The following SPATA7 variants were observed in gnomAD, a reference collection of about 807,000 sequenced individuals.
The protein encoded by SPATA7 is spermatogenesis-associated protein 7.
SPATA7 carries 43 observed loss-of-function variants against 51.8 expected under a neutral mutation model. That is an observed-to-expected ratio of 0.83 (90% CI 0.65 to 1.07). SPATA7 has a LOEUF of 1.07. Among genes scored for constraint, SPATA7 ranks in the 50% least tolerant of loss-of-function variants. SPATA7 has a pLI of 0.00. For missense variants in SPATA7, 683 were observed against 701.3 expected, an observed-to-expected ratio of 0.97 and a Z score of 0.30; for synonymous variants, 230 against 252.8, an observed-to-expected ratio of 0.91 and a Z score of 0.86.
At position 88,386,315 on chromosome 14, in the gene SPATA7, G is replaced by A. The variant is rs573761148; in HGVS notation, c.19+478G>A. Among the ~76,000 whole-genome samples, 63 of 152,248 alleles carry A rather than the reference G, an allele frequency of 4.1e-4. 1 individual carries two copies. The South Asian group carries it at 0.013, about 32-fold the overall frequency. On this transcript the variant is annotated intron_variant, in intron 1 of 11. Transcript: ENST00000393545. ...AGAAGATCCTGGCGCATTTGAAGTG[G>A]TCAGTAAATACGAAATCTCCCAGTA...
rs73327465 is a variant in SPATA7, at chr14:88,431,456, T to C, written c.1082+231T>C. Among the ~76,000 whole-genome samples, 1,339 of 152,330 alleles carry C rather than the reference T, an allele frequency of 8.8e-3. 9 individuals carry two copies. Among genetic ancestry groups the C allele is most frequent in the African/African-American group, 0.031 (1,276 of 41,564 alleles). On this transcript the variant is annotated intron_variant, in intron 9 of 11. Coordinates refer to ENST00000393545, the MANE Select transcript of SPATA7 (RefSeq NM_018418.5). ...TCTCGAACATTTTATCATTTCTTTGTGTTGGAAACATTGAGTATCCTTCTT... is the reference window on the plus strand; with the variant it reads ...TCTCGAACATTTTATCATTTCTTTGCGTTGGAAACATTGAGTATCCTTCTT...
Position 88,426,268 on chromosome 14 carries a change from AAAG to A in SPATA7, c.415_417del (p.Glu139del). ...ACCGCAAATTGAGGATGACATGTTA[AAAG>A]AAGAAATGAATGGATTTTCATCCTT... On this transcript the variant is annotated inframe_deletion, in exon 6 of 12. Transcript: ENST00000393545. 3 of 1,614,096 alleles carry A rather than the reference AAAG, an allele frequency of 1.9e-6. No individual in the cohort carries two copies. The highest frequency in any genetic ancestry group is 2.5e-6 in the Non-Finnish European group (3 of 1,180,004).
Position 88,422,578 on chromosome 14 carries a change from A to T in SPATA7, c.373-3654A>T, listed in dbSNP as rs1226592964. 3.4e-5 allele frequency among the ~76,000 whole-genome samples: 5 copies of T among 146,776 alleles called. No homozygotes were observed. The East Asian group carries it at 9.7e-4, about 29-fold the overall frequency. ...TATATCTTTTTAATGTATTTTATAT[A>T]TCTATTTATATATAATAAAGTAAAA... On this transcript the variant is annotated intron_variant, in intron 5 of 11. Transcript: ENST00000393545.
At chr14:88,465,958 C>A (rs1316020498) in intron 4 of SPATA7, 1 of 150,658 alleles carries the variant, frequency 6.6e-6, no homozygotes, top group Non-Finnish European at 1.5e-5. Flanking sequence ...CACAAATAGA[C>A]CACATATTAC....
intron 1 of SPATA7, 43 bp from the exon 2 acceptor site, chr14:88,391,338 G>A (rs370164523): frequency 6.3e-5 from 92 of 1,455,512 alleles, no homozygotes; most frequent in Non-Finnish European, 8.2e-5. Context: ...TAAAAGTTGT[G>A]TTTCATTTAT....
intron 4 of SPATA7, among the ~76,000 whole-genome samples, chr14:88,406,906 G>C (rs1325022157): frequency 1.3e-5 from 2 of 152,112 alleles, no homozygotes; most frequent in Non-Finnish European, 2.9e-5. Context: ...ATAGTTTCCA[G>C]CTTCATCCAT....
Position 88,391,965 on chromosome 14 carries a change from T to C in SPATA7, c.94+510T>C, listed in dbSNP as rs533276267. ...GTTTTAAAATAAATTTTTGTAATTA[T>C]ACCTTAGAAGTATAAGTCTATGTCC... On this transcript the variant is annotated intron_variant, in intron 2 of 11. Coordinates refer to ENST00000393545, the MANE Select transcript of SPATA7 (RefSeq NM_018418.5). 4.6e-5 allele frequency among the ~76,000 whole-genome samples: 7 copies of C among 152,352 alleles called. No individual in the cohort carries two copies. In the East Asian group the frequency reaches 1.3e-3, roughly 29 times the overall value.
At chr14:88,422,787 A>G (rs1156946403) in intron 5 of SPATA7, among the ~76,000 whole-genome samples, 3 of 151,806 alleles carry the variant, frequency 2.0e-5, no homozygotes, top group Non-Finnish European at 4.4e-5. Flanking sequence ...CTTTGCCTAC[A>G]TTTTTGATAA....
At chr14:88,406,653 A>C (rs537824519) in intron 4 of SPATA7, 2 of 152,846 alleles carry the variant, frequency 1.3e-5, no homozygotes, top group African/African-American at 4.8e-5. Context: ...TCTGGGATAC[A>C]TGTGCAGAAC....
At chr14:88,406,775 C>T (rs982189684) in intron 4 of SPATA7, 1 of 152,206 alleles carries the variant, frequency 6.6e-6, no homozygotes, top group African/African-American at 2.4e-5. Flanking sequence ...AGTCCCCCAA[C>T]AGGCCCCAGT....
Position 88,426,355 on chromosome 14 carries a change from A to G in SPATA7, c.496A>G (p.Lys166Glu). 1 of 1,614,176 alleles carries G rather than the reference A, an allele frequency of 6.2e-7. No individual in the cohort carries two copies. The highest frequency in any genetic ancestry group is 1.1e-5 in the South Asian group (1 of 91,076). Residue 166 changes from lysine to glutamate, a missense_variant, in exon 6 of 12, where the codon AAA becomes GAA. Physicochemically the swap from Lys to Glu is moderately conservative, Grantham distance 56. Transcript: ENST00000393545. ...RLHLSLHKSSKVITNGPEKNS... is the reference protein window; with the variant it reads ...RLHLSLHKSSEVITNGPEKNS... ...ACACCTAAGTCTACATAAATCCAGT[A>G]AAGTCATCACAAATGGTCCTGAGAA...
At chr14:88,408,298 T>C (rs147628534) in intron 4 of SPATA7, among the ~76,000 whole-genome samples, 9 of 152,302 alleles carry the variant, frequency 5.9e-5, no homozygotes, top group Non-Finnish European at 1.3e-4. Flanking sequence ...AGCAGTGGTT[T>C]GTAGTTCTCT....
In SPATA7 at chr14:88,469,630, T is replaced by C. The variant is rs765061935; in HGVS notation, c.255-217T>C. On this transcript the variant is annotated intron_variant, in intron 4 of 4. Transcript: ENST00000556406. The surrounding 1 kb of genome is among the most constrained non-coding windows in gnomAD (Gnocchi z 4.3). Reference sequence around the variant, plus strand: ...GCCTGTGGTGGCATAGCAGCCAGAGTCTGTGCGGAACCGGGTCGTGATCTT... The same window carrying C: ...GCCTGTGGTGGCATAGCAGCCAGAGCCTGTGCGGAACCGGGTCGTGATCTT... 3 of 1,613,992 alleles carry C rather than the reference T, an allele frequency of 1.9e-6. No homozygotes were observed. In the South Asian group the frequency reaches 3.3e-5, roughly 18 times the overall value.
At chr14:88,466,066 C>T (rs1171955935) in intron 4 of SPATA7, 1 of 150,602 alleles carries the variant, frequency 6.6e-6, no homozygotes, top group Non-Finnish European at 1.5e-5. Context: ...AAAAACGTAC[C>T]ATGGAGAGGG....
downstream of SPATA7, among the ~76,000 whole-genome samples, chr14:88,443,392 T>A (rs1285437648): frequency 2.6e-5 from 4 of 152,234 alleles, no homozygotes; most frequent in Admixed American, 2.6e-4. Flanking sequence ...AGTTTATGCA[T>A]GTAAAGCTGT....
chr14:88,446,452 T>G (rs2077213370), intron 3 of SPATA7, among the ~76,000 whole-genome samples: 1 of 152,158 alleles, frequency 6.6e-6, no homozygotes, highest in Non-Finnish European at 1.5e-5. Context: ...ATTAATTAAT[T>G]TTTTGAAGGG....
intron 3 of SPATA7, among the ~76,000 whole-genome samples, chr14:88,454,062 G>T (rs2077268852): frequency 6.6e-6 from 1 of 152,106 alleles, no homozygotes; most frequent in Admixed American, 6.5e-5. Flanking sequence ...CCGAGAGAAA[G>T]AATATACCAT....
rs917372270 is a variant in SPATA7 at position 88,416,759 on chromosome 14, G to A, written c.287G>A (p.Cys96Tyr). The A allele has an allele frequency of 6.2e-7, 1 of 1,613,108 alleles. No individual in the cohort carries two copies. The highest frequency in any genetic ancestry group is 1.3e-5 in the African/African-American group (1 of 74,902). ...REKLKKELAQ[C>Y]EKEFKLTKTA... ...AAACTCAAAAAGGAATTAGCACAAT[G>A]TGAAAAAGAGTTCAAATTAACTAAA... The change falls in exon 5 of 12, where the codon TGT (cysteine) becomes TAT (tyrosine). Residue 96 changes from cysteine (C) to tyrosine (Y), a missense_variant. Cys to Tyr is a radical substitution (Grantham distance 194, BLOSUM62 -2). Coordinates refer to ENST00000393545, the MANE Select transcript of SPATA7 (RefSeq NM_018418.5).
chr14:88,401,356 A>G (rs753900933), intron 4 of SPATA7, among the ~76,000 whole-genome samples: 4 of 152,256 alleles, frequency 2.6e-5, no homozygotes, highest in Non-Finnish European at 5.9e-5. Context: ...CTTCAACAGC[A>G]TGAAAGCTAT....
Sources: allele counts gnomAD v4.1 joint callset (sites outside exome capture counted in the v4.1 genomes callset), GRCh38; gene constraint gnomAD v4.1.1; non-coding constraint Gnocchi (gnomAD v3.1); transcripts MANE v1.5; gene names NCBI Gene and HGNC (gene_info 2026-07-23, HGNC 2026-07-21).